NOL9: variants seen among roughly 807,000 people sequenced by gnomAD.
NOL9 encodes polynucleotide 5'-hydroxyl-kinase NOL9.
Under a neutral mutation model 67.9 loss-of-function variants are expected in NOL9, and 28 were observed. That is an observed-to-expected ratio of 0.41 (90% CI 0.31 to 0.57). The LOEUF is 0.57. NOL9 is among the 20% of genes least tolerant of loss of function. NOL9 has a pLI of 0.25. For missense variants in NOL9, 777 were observed against 897.0 expected (o/e 0.87, Z 1.71); for synonymous variants, 356 against 352.2 (o/e 1.01, Z -0.12).
chr1:6,539,689 T>C (rs1243557124), intron 6 of NOL9, among the ~76,000 whole-genome samples: 1 of 151,980 alleles, frequency 6.6e-6, no homozygotes, highest in Non-Finnish European at 1.5e-5. Context: ...GGTTTCACCA[T>C]GCTACCCTGG....
chr1:6,546,327 T>C (rs892991321), intron 3 of NOL9, among the ~76,000 whole-genome samples: 1 of 152,186 alleles, frequency 6.6e-6, no homozygotes, highest in African/African-American at 2.4e-5. Context: ...AACCAAGGCT[T>C]GAGAACAGGC....
intron 3 of NOL9, among the ~76,000 whole-genome samples, chr1:6,546,856 C>G (rs1020650333): frequency 6.6e-6 from 1 of 152,214 alleles, no homozygotes; most frequent in Non-Finnish European, 1.5e-5. Context: ...TCTACCAAAG[C>G]AAAATACTTT....
Position 6,522,200 on chromosome 1 carries a change from A to T in NOL9, c.*3654T>A. 1 of 152,110 alleles carries T rather than the reference A, an allele frequency of 6.6e-6. No homozygotes were observed. The highest frequency in any genetic ancestry group is 1.9e-4 in the East Asian group (1 of 5,190). 9.4% of individuals were successfully genotyped at this position (152,110 alleles called of 1,614,324 possible). ...CTCTACTAAAAATACAAAAAAAATT[A>T]GCTAGTGTAGTGGCGGGCGCCTGTA... On this transcript the variant is annotated 3_prime_UTR_variant, in exon 12 of 12. Coordinates refer to ENST00000377705, the MANE Select transcript of NOL9 (RefSeq NM_024654.5).
chr1:6,525,500 G>A lies in NOL9; in HGVS notation c.*354C>T, dbSNP rs147847447. ...AGGTCGGCCTTCTTCCTTCCTTCTC[G>A]GTACATTGTAATGGCCCCAGTTTCC... On this transcript the variant is annotated 3_prime_UTR_variant, in exon 12 of 12. Transcript: ENST00000377705. 39 of 232,868 alleles carry A rather than the reference G, an allele frequency of 1.7e-4. No homozygotes were observed. In the East Asian group the frequency reaches 3.3e-3, roughly 20 times the overall value. 14.4% of individuals were successfully genotyped at this position (232,868 alleles called of 1,614,324 possible). A position where few individuals can be genotyped will look rare whatever the true frequency, so the allele number is the denominator to read the frequency against.
At chr1:6,538,264 C>T (rs1007815786) in intron 6 of NOL9, among the ~76,000 whole-genome samples, 1 of 152,062 alleles carries the variant, frequency 6.6e-6, no homozygotes, top group Admixed American at 6.6e-5. Context: ...AAACAACCTA[C>T]AGAACAGGAG....
chr1:6,527,931 G>A (rs1387858807), intron 10 of NOL9, among the ~76,000 whole-genome samples: 4 of 151,718 alleles, frequency 2.6e-5, no homozygotes, highest in Admixed American at 2.0e-4. Flanking sequence ...ACTCCGTCTC[G>A]GAAAAAAAAA....
At chr1:6,549,274 A>G (rs1639489626) in intron 3 of NOL9, 1 of 243,498 alleles carries the variant, frequency 4.1e-6, no homozygotes, top group East Asian at 9.6e-5. Flanking sequence ...CGAACCAACC[A>G]ACCAACCAAC....
intron 9 of NOL9, among the ~76,000 whole-genome samples, chr1:6,529,601 TAAATAAAAAATAA>T (rs940695757): frequency 8.8e-5 from 13 of 148,352 alleles, no homozygotes; most frequent in Middle Eastern, 7.4e-3. Context: ...AAAAAATTAA[TAAATAAAAAATAA>T]AAATAAAAAA....
chr1:6,549,454 G>A, intron 3 of NOL9, 117 bp downstream of exon 3: 1 of 1,131,960 alleles, frequency 8.8e-7, no homozygotes, highest in East Asian at 2.5e-5. Context: ...ACATTCTGTA[G>A]GACTGAGAGC....
rs200736091 is a variant in NOL9, at chr1:6,525,911, C to A, written c.2052G>T (p.Glu684Asp). 29 of 1,614,002 alleles carry A rather than the reference C, an allele frequency of 1.8e-5. No homozygotes were observed. Among genetic ancestry groups the A allele is most frequent in the Non-Finnish European group, 2.5e-5 (29 of 1,180,022 alleles). Residue 684 changes from glutamate to aspartate, a missense_variant, in exon 12 of 12, where the codon GAG becomes GAT. Coordinates refer to ENST00000377705, the MANE Select transcript of NOL9 (RefSeq NM_024654.5). The part of the protein sequence containing the change: ...ASEKIGAREP[E>D]EAHKEKPYRR... The stretch of plus-strand genomic sequence containing the variant: ...GGTATGGTTTCTCTTTATGTGCCTC[C>A]TCAGGTTCTCTTGCTCCAATTTTCT...
chr1:6,526,885 C>G, intron 10 of NOL9, 56 bp from the exon 11 acceptor site: 1 of 1,515,114 alleles, frequency 6.6e-7, no homozygotes, highest in Non-Finnish European at 8.9e-7. Flanking sequence ...TCAAACTTCT[C>G]CATCGTTAGA....
chr1:6,542,947 G>A (rs1639332103), intron 5 of NOL9, among the ~76,000 whole-genome samples: 1 of 151,912 alleles, frequency 6.6e-6, no homozygotes, highest in African/African-American at 2.4e-5. Flanking sequence ...CACCCAGGCT[G>A]GAGTGCAGTG....
At chr1:6,538,648 G>A (rs767252409) in intron 6 of NOL9, among the ~76,000 whole-genome samples, 6 of 151,882 alleles carry the variant, frequency 4.0e-5, no homozygotes, top group East Asian at 3.9e-4. Flanking sequence ...CTCCAGCCTC[G>A]GCACTCCGTC....
intron 6 of NOL9, among the ~76,000 whole-genome samples, chr1:6,533,821 G>C (rs890092415): frequency 2.0e-5 from 3 of 151,824 alleles, no homozygotes; most frequent in Non-Finnish European, 4.4e-5. Flanking sequence ...ATAGCCATGT[G>C]TGTCTTATAG....
chr1:6,528,394 G>C (rs1038734422), intron 10 of NOL9, among the ~76,000 whole-genome samples: 1 of 152,186 alleles, frequency 6.6e-6, no homozygotes, highest in South Asian at 2.1e-4. Context: ...GCTGAGAAGA[G>C]GTGGAAGAAG....
chr1:6,545,261 T>TG, intron 3 of NOL9, 81 bp from the exon 4 acceptor site: 1 of 1,368,502 alleles, frequency 7.3e-7, no homozygotes, highest in Non-Finnish European at 1.0e-6. Context: ...CCTCACACAG[T>TG]TGTGAGCCAG....
At chr1:6,545,277 A>T in intron 3 of NOL9, 97 bp from the exon 4 acceptor site, 1 of 1,276,900 alleles carries the variant, frequency 7.8e-7, no homozygotes, top group South Asian at 1.4e-5. Flanking sequence ...GCCAGAGAAG[A>T]TAAATTGTTT....
chr1:6,541,708 T>C (rs1639295499), intron 6 of NOL9, 122 bp downstream of exon 6: 2 of 469,138 alleles, frequency 4.3e-6, no homozygotes, highest in Admixed American at 4.2e-5. Flanking sequence ...GGAAAGACCA[T>C]GAGTTTGGTA....
intron 6 of NOL9, among the ~76,000 whole-genome samples, chr1:6,539,621 A>G (rs1639231182): frequency 6.6e-6 from 1 of 151,064 alleles, no homozygotes; most frequent in African/African-American, 2.4e-5. Context: ...AATATCTGGG[A>G]CTATAGGCAT....
Sources: gnomAD v4.1 joint callset for allele counts (sites outside exome capture counted in the v4.1 genomes callset) on GRCh38, gnomAD v4.1.1 for gene constraint, MANE v1.5 for transcripts, NCBI Gene and HGNC (gene_info 2026-07-23, HGNC 2026-07-21) for gene names.